ENAH: variants seen among roughly 807,000 people sequenced by gnomAD.
ENAH encodes the protein ENAH actin regulator.
A neutral mutation model predicts 78.7 loss-of-function variants in ENAH; 23 were observed. The observed-to-expected ratio is 0.29, with a 90% confidence interval of 0.21 to 0.41. The LOEUF (loss-of-function observed/expected upper bound fraction) is 0.41. Ranked by LOEUF, ENAH falls within the 10% of genes least tolerant of loss-of-function variation. The probability of loss-of-function intolerance (pLI) is 1.00; values close to 1 mark genes in which losing one functional copy is unlikely to be tolerated. For missense variants in ENAH, 544 were observed against 691.0 expected, an observed-to-expected ratio of 0.79 and a Z score of 2.39; for synonymous variants, 226 against 241.0, an observed-to-expected ratio of 0.94 and a Z score of 0.58.
chr1:225,584,571 A>G (rs1319546090), intron 1 of ENAH, among the ~76,000 whole-genome samples: 1 of 152,196 alleles, frequency 6.6e-6, no homozygotes, highest in African/African-American at 2.4e-5. Context: ...CCATAATTAC[A>G]TGAAATGTTA....
intron 6 of ENAH, chr1:225,515,323 T>TA (rs1288619191): frequency 6.2e-6 from 1 of 160,480 alleles, no homozygotes; most frequent in African/African-American, 2.4e-5. Flanking sequence ...GTTGAGACAG[T>TA]AAATTCAGTA....
At chr1:225,512,067 A>C (rs55979993) in intron 9 of ENAH, among the ~76,000 whole-genome samples, 2 of 152,048 alleles carry the variant, frequency 1.3e-5, no homozygotes, top group Non-Finnish European at 2.9e-5. Flanking sequence ...TCCTTTCCTC[A>C]TGTGTTCTCC....
At chr1:225,644,255 A>AT (rs1231192932) in intron 1 of ENAH, among the ~76,000 whole-genome samples, 5 of 152,206 alleles carry the variant, frequency 3.3e-5, no homozygotes, top group African/African-American at 1.2e-4. Flanking sequence ...GAAAAAAGTA[A>AT]TTTAAAAAAA....
intron 4 of ENAH, among the ~76,000 whole-genome samples, chr1:225,527,598 A>G (rs1013003059): frequency 1.1e-4 from 17 of 152,232 alleles, no homozygotes; most frequent in Admixed American, 9.8e-4. Flanking sequence ...TGTACGGGAT[A>G]TATGTCAAAG....
At chr1:225,541,378 T>C (rs1238487169) in intron 3 of ENAH, among the ~76,000 whole-genome samples, 2 of 151,918 alleles carry the variant, frequency 1.3e-5, no homozygotes, top group Non-Finnish European at 2.9e-5. Context: ...GAGGTTGCAG[T>C]GAGCCAAGAT....
chr1:225,502,599 T>C (rs972646143), intron 11 of ENAH, among the ~76,000 whole-genome samples: 2 of 152,334 alleles, frequency 1.3e-5, no homozygotes, highest in East Asian at 1.9e-4. Flanking sequence ...TATCTGCTTA[T>C]ATGAATAGGG....
intron 1 of ENAH, among the ~76,000 whole-genome samples, chr1:225,575,989 T>A (rs1370587463): frequency 1.3e-5 from 2 of 152,100 alleles, no homozygotes; most frequent in Non-Finnish European, 2.9e-5. Flanking sequence ...CCACAAACCA[T>A]ACCACTAGCA....
In ENAH at chr1:225,497,696, G is replaced by C. The variant is rs779138652; in HGVS notation, c.*79C>G. 23 of 1,421,232 alleles carry C rather than the reference G, an allele frequency of 1.6e-5. No homozygotes were observed. The highest frequency in any genetic ancestry group is 2.1e-5 in the Non-Finnish European group (21 of 1,020,756). 88.0% of individuals were successfully genotyped at this position (1,421,232 alleles called of 1,614,324 possible). Reference sequence around the variant, plus strand: ...CTTCTTACAGCTCATAAATGTAGGGGTTTGCTGTTGTGAACAGTTGTTGTT... The same window carrying C: ...CTTCTTACAGCTCATAAATGTAGGGCTTTGCTGTTGTGAACAGTTGTTGTT... On this transcript the variant is annotated 3_prime_UTR_variant, in exon 14 of 14. Transcript: ENST00000366843.
chr1:225,645,356 T>C (rs1661771120), intron 1 of ENAH, among the ~76,000 whole-genome samples: 1 of 152,228 alleles, frequency 6.6e-6, no homozygotes, highest in Admixed American at 6.5e-5. Context: ...CGCTGTGGCA[T>C]GTATCAGAAT....
chr1:225,597,868 CTGTT>C (rs1478620155), intron 1 of ENAH, among the ~76,000 whole-genome samples: 1 of 151,996 alleles, frequency 6.6e-6, no homozygotes, highest in African/African-American at 2.4e-5. Context: ...TGAAATCAAC[CTGTT>C]TAACTTTTTA....
chr1:225,572,700 CCAGT>C (rs1484271672), intron 1 of ENAH, among the ~76,000 whole-genome samples: 9 of 152,054 alleles, frequency 5.9e-5, no homozygotes, highest in Non-Finnish European at 1.0e-4. Context: ...AAATGAATGC[CCAGT>C]CAAAGTCTTC....
At chr1:225,565,244 T>C (rs894659656) in intron 2 of ENAH, among the ~76,000 whole-genome samples, 1 of 152,188 alleles carries the variant, frequency 6.6e-6, no homozygotes, top group African/African-American at 2.4e-5. Flanking sequence ...AAAACCAGCC[T>C]GACCAACATA....
rs1352398132 is a variant in ENAH at position 225,592,224 on chromosome 1, C to T, written c.6-24810G>A. Among the ~76,000 whole-genome samples, 3 of 152,206 alleles carry T rather than the reference C, an allele frequency of 2.0e-5. No individual in the cohort carries two copies. The East Asian group carries it at 5.8e-4, about 29-fold the overall frequency. ...GAGCTCAACACTACCAAACAGTACA[C>T]CTTTAACATTTGATGTGTTAACAAA... On this transcript the variant is annotated intron_variant, in intron 1 of 13. Coordinates refer to ENST00000366843, the MANE Select transcript of ENAH (RefSeq NM_018212.6).
chr1:225,544,149 T>G (rs1313282114), intron 3 of ENAH, among the ~76,000 whole-genome samples: 1 of 152,232 alleles, frequency 6.6e-6, no homozygotes, highest in Non-Finnish European at 1.5e-5. Flanking sequence ...AAGCCTCTCT[T>G]TATTCTTGTT....
chr1:225,627,438 G>A (rs1161175094), intron 1 of ENAH, among the ~76,000 whole-genome samples: 3 of 152,140 alleles, frequency 2.0e-5, no homozygotes, highest in African/African-American at 7.2e-5. Flanking sequence ...AAATGAAAAG[G>A]GAGGAAAGGA....
intron 1 of ENAH, among the ~76,000 whole-genome samples, chr1:225,650,448 T>C (rs1662752598): frequency 6.6e-6 from 1 of 152,254 alleles, no homozygotes; most frequent in Admixed American, 6.5e-5. Context: ...TGTGACAGAC[T>C]GACATCTATA....
At chr1:225,607,529 A>AAAAACAC (rs1297840218) in intron 1 of ENAH, among the ~76,000 whole-genome samples, 1 of 151,994 alleles carries the variant, frequency 6.6e-6, no homozygotes, top group Non-Finnish European at 1.5e-5. Context: ...AAAAAAAAAA[A>AAAAACAC]AAAACACCTG....
At chr1:225,502,702 T>G (rs1367164195) in intron 11 of ENAH, among the ~76,000 whole-genome samples, 1 of 152,228 alleles carries the variant, frequency 6.6e-6, no homozygotes, top group Non-Finnish European at 1.5e-5. Flanking sequence ...TTTCCTCTTG[T>G]GAGGCTACAC....
rs889094007 is a variant in ENAH at position 225,555,619 on chromosome 1, T to A, written c.172-536A>T. Among the ~76,000 whole-genome samples the A allele has an allele frequency of 4.0e-5, 6 of 151,074 alleles. No homozygotes were observed. The South Asian group carries it at 6.3e-4, about 16-fold the overall frequency. ...AGTAAATCAGCAAAACAAAAAAAAA[T>A]TTTCCTCATTAAATATATTTTAACT... is the stretch of plus-strand genomic sequence containing the variant. On this transcript the variant is annotated intron_variant, in intron 2 of 13. Transcript: ENST00000366843.
Sources: allele counts gnomAD v4.1 joint callset (sites outside exome capture counted in the v4.1 genomes callset), GRCh38; gene constraint gnomAD v4.1.1; transcripts MANE v1.5; gene names NCBI Gene and HGNC (gene_info 2026-07-23, HGNC 2026-07-21).